The following MYO5A variants were observed in gnomAD, a reference collection of about 807,000 sequenced individuals.
The protein encoded by MYO5A is unconventional myosin-Va.
In MYO5A, 98 loss-of-function variants were observed where a neutral mutation model predicts 249.7. The observed-to-expected ratio is 0.39, with a 90% CI of 0.33 to 0.46. The LOEUF is 0.46. MYO5A is among the 20% of genes least tolerant of loss of function. MYO5A has a pLI of 0.98. For synonymous variants in MYO5A, 778 were observed against 810.6 expected, an observed-to-expected ratio of 0.96 and a Z score of 0.68; for missense variants, 1,696 against 2,308.8, an observed-to-expected ratio of 0.73 and a Z score of 5.44.
At chr15:52,454,808 G>A (rs1466047395) in intron 1 of MYO5A, among the ~76,000 whole-genome samples, 6 of 151,778 alleles carry the variant, frequency 4.0e-5, no homozygotes, top group Non-Finnish European at 8.8e-5. Flanking sequence ...AAAATCTATG[G>A]GATACAGCAA....
rs1043291314 is a variant in MYO5A at position 52,336,305 on chromosome 15, T to C, written c.4408+158A>G. On this transcript the variant is annotated intron_variant, in intron 34 of 41. Transcript: ENST00000399233. ...ATTTTTCCTCATTTAAAAATGTAAA[T>C]TTCTACTCAAAAGAGGTTAGGTTTG... 9.2e-5 allele frequency among the ~76,000 whole-genome samples: 14 copies of C among 152,190 alleles called. 1 individual carries two copies. The highest frequency in any genetic ancestry group is 6.5e-4 in the Admixed American group (10 of 15,268).
intron 1 of MYO5A, among the ~76,000 whole-genome samples, chr15:52,504,620 C>T (rs990977163): frequency 6.6e-6 from 1 of 152,050 alleles, no homozygotes; most frequent in Non-Finnish European, 1.5e-5. Flanking sequence ...TCTGACAGAA[C>T]GCTGGGCGAG....
intron 1 of MYO5A, among the ~76,000 whole-genome samples, chr15:52,486,119 C>G (rs1386093279): frequency 3.3e-5 from 5 of 152,142 alleles, no homozygotes; most frequent in Non-Finnish European, 5.9e-5. Context: ...CACGTATTTA[C>G]CAAGTCCCTC....
chr15:52,499,472 C>T (rs986856661), intron 1 of MYO5A, among the ~76,000 whole-genome samples: 6 of 152,176 alleles, frequency 3.9e-5, no homozygotes, highest in African/African-American at 1.4e-4. Flanking sequence ...AACTCCATAT[C>T]CATTAAATGA....
At chr15:52,516,388 T>C (rs2077496215) in intron 1 of MYO5A, among the ~76,000 whole-genome samples, 1 of 152,228 alleles carries the variant, frequency 6.6e-6, no homozygotes, top group Admixed American at 6.5e-5. Context: ...CCACAGTCTT[T>C]ACAAGAAAAC....
intron 6 of MYO5A, among the ~76,000 whole-genome samples, chr15:52,408,643 T>G (rs1168519540): frequency 6.6e-6 from 1 of 152,222 alleles, no homozygotes; most frequent in South Asian, 2.1e-4. Context: ...AATCAATAAC[T>G]GTTTTATAAA....
At chr15:52,412,861 C>A (rs1222396257) in intron 5 of MYO5A, among the ~76,000 whole-genome samples, 2 of 152,086 alleles carry the variant, frequency 1.3e-5, no homozygotes, top group Non-Finnish European at 2.9e-5. Context: ...TAAAAAAGAA[C>A]AACTGGCTGG....
intron 1 of MYO5A, among the ~76,000 whole-genome samples, chr15:52,483,790 G>A (rs560287733): frequency 3.9e-5 from 6 of 152,280 alleles, no homozygotes; most frequent in South Asian, 2.1e-4. Flanking sequence ...ACACCCTTAT[G>A]ACAGCCCTAA....
Position 52,309,885 on chromosome 15 carries a change from G to A in MYO5A, c.*3811C>T, listed in dbSNP as rs146578865. 6.6e-6 allele frequency: 1 copy of A among 151,874 alleles called. No homozygotes were observed. The highest frequency in any genetic ancestry group is 1.5e-5 in the Non-Finnish European group (1 of 67,936). The allele number at this position is 151,874 out of a possible 1,614,324, so 9.4% of individuals were successfully genotyped here. A position where few individuals can be genotyped will look rare whatever the true frequency, so the allele number is the denominator to read the frequency against. On this transcript the variant is annotated 3_prime_UTR_variant, in exon 42 of 42. Transcript: ENST00000399233. Reference sequence around the variant, plus strand: ...GTGTGTGTGTGTGTAAGAGAGAAAGGGCATTGTGTGAGGACTTCTCAGGAT... The same window carrying A: ...GTGTGTGTGTGTGTAAGAGAGAAAGAGCATTGTGTGAGGACTTCTCAGGAT...
At chr15:52,344,012 G>A (rs1017405633) in intron 30 of MYO5A, among the ~76,000 whole-genome samples, 12 of 152,134 alleles carry the variant, frequency 7.9e-5, no homozygotes, top group African/African-American at 1.9e-4. Flanking sequence ...AGAGGAAGAC[G>A]CAGAGGCTTG....
chr15:52,381,611 TA>T (rs1381501330), intron 16 of MYO5A, among the ~76,000 whole-genome samples: 5 of 152,186 alleles, frequency 3.3e-5, no homozygotes, highest in African/African-American at 1.2e-4. Context: ...GGAACTAATT[TA>T]AATAAATATA....
chr15:52,313,193 C>A lies in MYO5A; in HGVS notation c.*503G>T, dbSNP rs2037840936. The A allele has an allele frequency of 6.1e-6, 1 of 162,884 alleles. No homozygotes were observed. Among genetic ancestry groups the A allele is most frequent in the Admixed American group, 5.8e-5 (1 of 17,260 alleles). The allele number at this position is 162,884 out of a possible 1,614,324, so 10.1% of individuals were successfully genotyped here. A position where few individuals can be genotyped will look rare whatever the true frequency, so the allele number is the denominator to read the frequency against. On this transcript the variant is annotated 3_prime_UTR_variant, in exon 42 of 42. Transcript: ENST00000399233. Reference sequence around the variant, plus strand: ...TACTTTACATATTGCCAGTTTATTTCTTTGAACCAGTTTAACAATATCAAC... The same window carrying A: ...TACTTTACATATTGCCAGTTTATTTATTTGAACCAGTTTAACAATATCAAC...
rs77887549 is a variant in MYO5A at position 52,523,073 on chromosome 15, T to C, written c.27+5707A>G. Among the ~76,000 whole-genome samples, 188 of 152,334 alleles carry C rather than the reference T, an allele frequency of 1.2e-3. 3 individuals are homozygous for C. The East Asian group carries it at 0.033, about 27-fold the overall frequency. On this transcript the variant is annotated intron_variant, in intron 1 of 41. Coordinates refer to ENST00000399233, the MANE Select transcript of MYO5A (RefSeq NM_001382347.1). ...CAAGTTCCACAGAGGCAGTCAAAATTTGTGATGAAACAGGAATTAATTTTC... is the reference window on the plus strand; with the variant it reads ...CAAGTTCCACAGAGGCAGTCAAAATCTGTGATGAAACAGGAATTAATTTTC...
At chr15:52,343,348 ATTT>A in intron 30 of MYO5A, 151 bp from the exon 31 acceptor site, 1 of 714,852 alleles carries the variant, frequency 1.4e-6, no homozygotes, top group South Asian at 1.6e-5. Flanking sequence ...CACAAAAATT[ATTT>A]TTGGTTAATT....
intron 5 of MYO5A, 139 bp downstream of exon 5, chr15:52,416,006 T>C (rs1023403566): frequency 8.7e-6 from 9 of 1,029,952 alleles, no homozygotes; most frequent in Admixed American, 2.5e-5. Context: ...AGATTTTTTA[T>C]AAACATGTAG....
chr15:52,438,223 A>G (rs796566930), intron 1 of MYO5A, among the ~76,000 whole-genome samples: 3 of 152,190 alleles, frequency 2.0e-5, no homozygotes, highest in African/African-American at 7.2e-5. Flanking sequence ...AAGCAAATAC[A>G]CATGGCAGGA....
At chr15:52,340,477 C>T in intron 31 of MYO5A, 83 bp from the exon 32 acceptor site, 1 of 1,203,714 alleles carries the variant, frequency 8.3e-7, no homozygotes, top group Non-Finnish European at 1.2e-6. Context: ...TGTTCACTTG[C>T]AAGAGTAGGA....
At chr15:52,418,144 C>G (rs972197074) in intron 4 of MYO5A, among the ~76,000 whole-genome samples, 3 of 152,160 alleles carry the variant, frequency 2.0e-5, no homozygotes, top group Non-Finnish European at 4.4e-5. Flanking sequence ...TTGGAAAGAG[C>G]AGATAACTCA....
intron 11 of MYO5A, among the ~76,000 whole-genome samples, chr15:52,394,326 T>C (rs986071228): frequency 1.3e-5 from 2 of 152,164 alleles, no homozygotes; most frequent in African/African-American, 4.8e-5. Context: ...TCTCAGGTAT[T>C]TGAACTGGGA....
Sources: allele counts gnomAD v4.1 joint callset (sites outside exome capture counted in the v4.1 genomes callset), GRCh38; gene constraint gnomAD v4.1.1; transcripts MANE v1.5; gene names NCBI Gene and HGNC (gene_info 2026-07-23, HGNC 2026-07-21).